The following STUM variants were observed in gnomAD, a reference collection of about 807,000 sequenced individuals.
STUM encodes the protein stum, mechanosensory transduction mediator homolog, also known as protein stum homolog.
Under a neutral mutation model 15.3 loss-of-function variants are expected in STUM, and 8 were observed. The observed-to-expected ratio is 0.52, with a 90% CI of 0.31 to 0.94. The LOEUF (loss-of-function observed/expected upper bound fraction) is 0.94. Among genes scored for constraint, STUM ranks in the 40% least tolerant of loss-of-function variants. The probability of loss-of-function intolerance (pLI) is 0.05; values close to 1 mark genes in which losing one functional copy is unlikely to be tolerated. For missense variants in STUM, 142 were observed against 204.9 expected (o/e 0.69, Z 1.87); for synonymous variants, 78 against 88.7 (o/e 0.88, Z 0.68).
chr1:226,585,137 G>A (rs745990975), intron 1 of STUM, among the ~76,000 whole-genome samples: 5 of 152,218 alleles, frequency 3.3e-5, no homozygotes, highest in Admixed American at 6.5e-5. Flanking sequence ...CAGGCTTCAT[G>A]AGGCTGACAT....
At chr1:226,587,891 T>C (rs1668022119) in intron 1 of STUM, among the ~76,000 whole-genome samples, 1 of 152,082 alleles carries the variant, frequency 6.6e-6, no homozygotes, top group African/African-American at 2.4e-5. Flanking sequence ...AAAGACCCCT[T>C]AGTTACTGCA....
chr1:226,553,239 A>G (rs756775824), intron 1 of STUM, among the ~76,000 whole-genome samples: 5 of 152,238 alleles, frequency 3.3e-5, no homozygotes, highest in African/African-American at 9.6e-5. Context: ...GTGGAAGGAA[A>G]GAGGTCTCCG....
At chr1:226,575,158 C>A (rs1456009170) in intron 1 of STUM, among the ~76,000 whole-genome samples, 1 of 152,208 alleles carries the variant, frequency 6.6e-6, no homozygotes, top group Non-Finnish European at 1.5e-5. Flanking sequence ...TGGGCTCAGG[C>A]AGTCGGGTAC....
intron 1 of STUM, among the ~76,000 whole-genome samples, chr1:226,560,812 T>C (rs1353906914): frequency 6.6e-6 from 1 of 152,222 alleles, no homozygotes; most frequent in Non-Finnish European, 1.5e-5. Flanking sequence ...TCTATTCATG[T>C]CTCAGCTCTG....
intron 1 of STUM, among the ~76,000 whole-genome samples, chr1:226,575,786 C>CAAAGCA (rs2102697966): frequency 6.6e-6 from 1 of 152,354 alleles, no homozygotes; most frequent in South Asian, 2.1e-4. Flanking sequence ...ACCAAAATAT[C>CAAAGCA]AAAGGCAACT....
chr1:226,569,179 G>A (rs180998004), intron 1 of STUM, among the ~76,000 whole-genome samples: 1 of 152,242 alleles, frequency 6.6e-6, no homozygotes. Context: ...CTGTAAAATG[G>A]GATCATAATC....
intron 1 of STUM, among the ~76,000 whole-genome samples, chr1:226,583,478 G>T (rs1667949635): frequency 6.6e-6 from 1 of 152,164 alleles, no homozygotes; most frequent in Admixed American, 6.5e-5. Flanking sequence ...CAGTTGGAAG[G>T]CTGGGAAGGT....
intron 1 of STUM, among the ~76,000 whole-genome samples, chr1:226,593,784 G>A (rs532349123): frequency 3.3e-5 from 5 of 152,318 alleles, no homozygotes; most frequent in Non-Finnish European, 4.4e-5. Context: ...TCTTGAATCC[G>A]TGGTTTTCAC....
chr1:226,553,395 A>C (rs1250859283), intron 1 of STUM, among the ~76,000 whole-genome samples: 1 of 152,238 alleles, frequency 6.6e-6, no homozygotes, highest in African/African-American at 2.4e-5. Context: ...CAGTAAAGAC[A>C]AAGAGCCATG....
chr1:226,560,701 A>G lies in STUM; in HGVS notation c.202+11595A>G, dbSNP rs185005057. ...GGCCAAGCTGCAGAAGGGAGCGCCG[A>G]CAGCAGATCAAATGGAAGTGGGTCC... On this transcript the variant is annotated intron_variant, in intron 1 of 3. Transcript: ENST00000366788. 2.0e-5 allele frequency among the ~76,000 whole-genome samples: 3 copies of G among 152,310 alleles called. No individual in the cohort carries two copies. The East Asian group carries it at 5.8e-4, about 29-fold the overall frequency.
At chr1:226,585,058 G>A (rs1477632531) in intron 1 of STUM, among the ~76,000 whole-genome samples, 1 of 152,192 alleles carries the variant, frequency 6.6e-6, no homozygotes, top group Non-Finnish European at 1.5e-5. Flanking sequence ...CCATCTTGCT[G>A]TGTAGTCATC....
chr1:226,560,433 C>T (rs1020092335), intron 1 of STUM, among the ~76,000 whole-genome samples: 14 of 152,162 alleles, frequency 9.2e-5, no homozygotes, highest in South Asian at 2.1e-4. Context: ...TGGCAAGACG[C>T]GAGCAGCCTC....
intron 1 of STUM, among the ~76,000 whole-genome samples, chr1:226,557,421 T>G (rs887184458): frequency 3.3e-5 from 5 of 152,232 alleles, no homozygotes; most frequent in African/African-American, 1.2e-4. Flanking sequence ...TTAACTATTG[T>G]GAATAGTGCT....
At chr1:226,554,889 A>G (rs1455325402) in intron 1 of STUM, among the ~76,000 whole-genome samples, 5 of 152,124 alleles carry the variant, frequency 3.3e-5, no homozygotes, top group African/African-American at 9.7e-5. Context: ...CTCATTTTCT[A>G]GTGAACTCAC....
chr1:226,557,373 A>G (rs1330422385), intron 1 of STUM, among the ~76,000 whole-genome samples: 1 of 152,154 alleles, frequency 6.6e-6, no homozygotes, highest in African/African-American at 2.4e-5. Context: ...TTCTTTATCC[A>G]TTCATCTGCT....
chr1:226,575,707 G>A (rs1175547075), intron 1 of STUM, among the ~76,000 whole-genome samples: 2 of 152,364 alleles, frequency 1.3e-5, no homozygotes, highest in East Asian at 3.9e-4. Context: ...CTAACACCAT[G>A]TCATATCTGG....
At position 226,556,293 on chromosome 1, in the gene STUM, G is replaced by C. The variant is rs552110248; in HGVS notation, c.202+7187G>C. Reference sequence around the variant, plus strand: ...ATTTCACTCTTAACATGCTCCTACTGTGTGCCAGGTCTATGCTAAGAGCTG... The same window carrying C: ...ATTTCACTCTTAACATGCTCCTACTCTGTGCCAGGTCTATGCTAAGAGCTG... On this transcript the variant is annotated intron_variant, in intron 1 of 3. Coordinates refer to ENST00000366788, the MANE Select transcript of STUM (RefSeq NM_001003665.4). Among the ~76,000 whole-genome samples the C allele has an allele frequency of 2.6e-5, 4 of 152,346 alleles. No individual in the cohort carries two copies. In the East Asian group the frequency reaches 7.7e-4, roughly 29 times the overall value.
In STUM at chr1:226,548,838, T is replaced by G; in HGVS notation, c.-67T>G. 1 of 1,231,748 alleles carries G rather than the reference T, an allele frequency of 8.1e-7. No homozygotes were observed. Among genetic ancestry groups the G allele is most frequent in the South Asian group, 2.9e-5 (1 of 34,904 alleles). 76.3% of individuals were successfully genotyped at this position (1,231,748 alleles called of 1,614,324 possible). On this transcript the variant is annotated 5_prime_UTR_variant, in exon 1 of 4. Transcript: ENST00000366788. ...AGCCCGGAGCCCGCAGCCGACAGTCTCCTGCTCCCGTACGCTGGGCGCCAG... is the reference window on the plus strand; with the variant it reads ...AGCCCGGAGCCCGCAGCCGACAGTCGCCTGCTCCCGTACGCTGGGCGCCAG...
chr1:226,597,477 C>G (rs1211535061), intron 2 of STUM: 1 of 472,260 alleles, frequency 2.1e-6, no homozygotes, highest in Non-Finnish European at 4.4e-6. Context: ...TTTGCCTTCA[C>G]TCTGTACCCC....
Sources: allele counts gnomAD v4.1 joint callset (sites outside exome capture counted in the v4.1 genomes callset), GRCh38; gene constraint gnomAD v4.1.1; transcripts MANE v1.5; gene names NCBI Gene and HGNC (gene_info 2026-07-23, HGNC 2026-07-21).